SMURF2: variants seen among roughly 807,000 people sequenced by gnomAD.
The protein encoded by SMURF2 is SMAD specific E3 ubiquitin protein ligase 2.
SMURF2 carries 48 observed loss-of-function variants against 109.6 expected under a neutral mutation model. That is an observed-to-expected ratio of 0.44 (90% CI 0.35 to 0.56). The LOEUF is 0.56. Ranked by LOEUF, SMURF2 falls within the 20% of genes least tolerant of loss-of-function variation. SMURF2 has a pLI of 0.01. For missense variants in SMURF2, 575 were observed against 909.0 expected (o/e 0.63, Z 4.72); for synonymous variants, 288 against 317.1 (o/e 0.91, Z 0.97).
At chr17:64,619,478 C>CA (rs552413988) in intron 1 of SMURF2, among the ~76,000 whole-genome samples, 3,783 of 34,368 alleles carry the variant, frequency 0.11, 433 homozygotes, top group African/African-American at 0.25. Flanking sequence ...ACTCTTGTCT[C>CA]AAAAAAAAAA....
Position 64,545,745 on chromosome 17 carries a change from G to T in SMURF2, c.*103C>A, listed in dbSNP as rs1270539453. 6.0e-4 allele frequency: 217 copies of T among 363,816 alleles called. 2 individuals carry two copies. The highest frequency in any genetic ancestry group is 5.1e-3 in the African/African-American group (205 of 40,410). The allele number at this position is 363,816 out of a possible 1,614,324, so 22.5% of individuals were successfully genotyped here. The stretch of plus-strand genomic sequence containing the variant: ...AAAAAAAAAAAAAAGGGGGGGGGGG[G>T]GAGTGTTTTCCTGTATTTCAGCATA... On this transcript the variant is annotated 3_prime_UTR_variant, in exon 19 of 19. Transcript: ENST00000262435.
intron 1 of SMURF2, among the ~76,000 whole-genome samples, chr17:64,650,200 T>C (rs1970616956): frequency 6.9e-6 from 1 of 144,520 alleles, no homozygotes; most frequent in South Asian, 2.1e-4. Flanking sequence ...TAAATAAGAC[T>C]TGCCTTTTTT....
intron 3 of SMURF2, among the ~76,000 whole-genome samples, chr17:64,594,495 T>A (rs1169989468): frequency 6.6e-6 from 1 of 152,130 alleles, no homozygotes; most frequent in Admixed American, 6.5e-5. Flanking sequence ...CATTCCCTTT[T>A]AAAAAATTAA....
Position 64,612,297 on chromosome 17 carries a change from C to A in SMURF2, c.53-5657G>T, listed in dbSNP as rs543713996. On this transcript the variant is annotated intron_variant, in intron 1 of 18. Transcript: ENST00000262435. ...ATATCTGTTGAATGAATGAAATAGA[C>A]CCTAAAATAATCTAAATAACTTTTT... 2.6e-5 allele frequency among the ~76,000 whole-genome samples: 4 copies of A among 152,152 alleles called. No individual in the cohort carries two copies. The South Asian group carries it at 8.3e-4, about 32-fold the overall frequency.
At chr17:64,559,619 C>T (rs1555684342) in intron 12 of SMURF2, among the ~76,000 whole-genome samples, 1 of 151,260 alleles carries the variant, frequency 6.6e-6, no homozygotes, top group African/African-American at 2.4e-5. Context: ...AAAAAACTGA[C>T]TACGAGCCAG....
intron 1 of SMURF2, among the ~76,000 whole-genome samples, chr17:64,611,776 C>T (rs570538892): frequency 6.6e-6 from 1 of 152,284 alleles, no homozygotes; most frequent in South Asian, 2.1e-4. Context: ...ATCCATTTCC[C>T]CTTCTAAGAT....
rs1555683990 is a variant in SMURF2, at chr17:64,555,859, A to G, written c.1571T>C (p.Leu524Ser). The change falls in exon 14 of 19, where the codon TTA (leucine) becomes TCA (serine). Residue 524 changes from leucine (L) to serine (S), a missense_variant. By Grantham distance (145) the Leu-to-Ser change is moderately radical. Transcript: ENST00000262435. ...ACTGTTGTGAAGATCCGGATCTACT[A>G]ACTCCATGTCATCCAAGGTAATTGA... ...GKSITLDDMELVDPDLHNSLV... is the reference protein window; with the variant it reads ...GKSITLDDMESVDPDLHNSLV... 1 of 1,613,188 alleles carries G rather than the reference A, an allele frequency of 6.2e-7. No homozygotes were observed. The highest frequency in any genetic ancestry group is 8.5e-7 in the Non-Finnish European group (1 of 1,179,420).
intron 1 of SMURF2, 85 bp from the exon 2 acceptor site, chr17:64,606,725 A>G (rs782209938): frequency 1.1e-4 from 105 of 980,800 alleles, no homozygotes; most frequent in Non-Finnish European, 1.5e-4. Context: ...GGAAAACAGC[A>G]GTGAATAGTT....
chr17:64,650,606 G>A (rs782099181), intron 1 of SMURF2, among the ~76,000 whole-genome samples: 1 of 148,076 alleles, frequency 6.8e-6, no homozygotes, highest in African/African-American at 2.5e-5. Context: ...CGAGGTGGGC[G>A]GATCACTTGA....
intron 1 of SMURF2, 31 bp from the exon 2 acceptor site, chr17:64,606,671 G>C (rs1555689088): frequency 6.9e-7 from 1 of 1,449,192 alleles, no homozygotes; most frequent in East Asian, 2.3e-5. Flanking sequence ...AAATACATGG[G>C]AAAAATTAAA....
intron 1 of SMURF2, among the ~76,000 whole-genome samples, chr17:64,651,609 T>C (rs1312623618): frequency 7.0e-6 from 1 of 143,108 alleles, no homozygotes; most frequent in Admixed American, 7.0e-5. Flanking sequence ...AAAGAAAAAA[T>C]ATACACATAA....
At chr17:64,639,403 C>G (rs748800855) in intron 1 of SMURF2, among the ~76,000 whole-genome samples, 1 of 151,866 alleles carries the variant, frequency 6.6e-6, no homozygotes, top group Non-Finnish European at 1.5e-5. Flanking sequence ...ATGGGAAAAC[C>G]CTGTCTCTAC....
rs1970424506 is a variant in SMURF2 at position 64,636,940 on chromosome 17, C to G, written c.52+24889G>C. Among the ~76,000 whole-genome samples the G allele has an allele frequency of 2.6e-5, 4 of 152,094 alleles. No homozygotes were observed. The South Asian group carries it at 8.3e-4, about 32-fold the overall frequency. ...GTTTTTAATTTTGATAGAGTCTAGG[C>G]TGGGTGCAGTGGCTAATACCTGTAA... On this transcript the variant is annotated intron_variant, in intron 1 of 18. Transcript: ENST00000262435.
intron 1 of SMURF2, among the ~76,000 whole-genome samples, chr17:64,631,268 GA>G (rs1970336441): frequency 1.3e-4 from 1 of 7,434 alleles, no homozygotes; most frequent in African/African-American, 4.6e-4. Context: ...GTGGGGGGGA[GA>G]GAGGGGGGGG....
In SMURF2 at chr17:64,662,271, GGCTCGGCCGCTTCCTCCTCCAC is replaced by G. The variant is rs1324388828; in HGVS notation, c.-413_-392del. On this transcript the variant is annotated 5_prime_UTR_variant, in exon 1 of 19. Transcript: ENST00000262435. ...TCGGGGGCGCCGGAGCAGAACTCTG[GGCTCGGCCGCTTCCTCCTCCAC>G]CCGCCCTCTTGTCTGAGGGACCCGG... The G allele has an allele frequency of 4.1e-6, 4 of 982,770 alleles. No homozygotes were observed. The African/African-American group carries it at 7.1e-5, about 17-fold the overall frequency. The allele number at this position is 982,770 out of a possible 1,614,324, so 60.9% of individuals were successfully genotyped here. A position where few individuals can be genotyped will look rare whatever the true frequency, so the allele number is the denominator to read the frequency against.
intron 9 of SMURF2, among the ~76,000 whole-genome samples, chr17:64,577,224 A>G (rs950355709): frequency 2.6e-5 from 4 of 152,134 alleles, no homozygotes; most frequent in Admixed American, 6.6e-5. Flanking sequence ...CTATGCAGCC[A>G]TAAAAAAGGA....
chr17:64,635,288 C>A (rs1555691990), intron 1 of SMURF2, among the ~76,000 whole-genome samples: 1 of 152,166 alleles, frequency 6.6e-6, no homozygotes, highest in Non-Finnish European at 1.5e-5. Flanking sequence ...GATCACACCA[C>A]TGCACTCTGG....
At chr17:64,656,225 T>G (rs1485607593) in intron 1 of SMURF2, among the ~76,000 whole-genome samples, 2 of 152,178 alleles carry the variant, frequency 1.3e-5, no homozygotes, top group Non-Finnish European at 2.9e-5. Context: ...AGATAACACA[T>G]TTCTACATGT....
intron 12 of SMURF2, chr17:64,560,809 A>C (rs1307803900): frequency 1.3e-5 from 2 of 151,056 alleles, no homozygotes; most frequent in Non-Finnish European, 2.9e-5. Flanking sequence ...AAAAAAAAAA[A>C]ACAAAAACTA....
Sources: gnomAD v4.1 joint callset for allele counts (sites outside exome capture counted in the v4.1 genomes callset) on GRCh38, gnomAD v4.1.1 for gene constraint, MANE v1.5 for transcripts, NCBI Gene and HGNC (gene_info 2026-07-23, HGNC 2026-07-21) for gene names.